DDX4: variants seen among roughly 807,000 people sequenced by gnomAD.
The protein encoded by DDX4 is DEAD-box helicase 4, also known as probable ATP-dependent RNA helicase DDX4.
A neutral mutation model predicts 100.0 loss-of-function variants in DDX4; 25 were observed. The ratio of observed to expected loss-of-function variants is 0.25; its 90% CI spans 0.18 to 0.35. The LOEUF (loss-of-function observed/expected upper bound fraction) is 0.35. DDX4 is among the 10% of genes least tolerant of loss of function. DDX4 has a pLI of 1.00. For synonymous variants in DDX4, 259 were observed against 275.7 expected (o/e 0.94, Z 0.60); for missense variants, 635 against 882.4 (o/e 0.72, Z 3.55).
rs759393265 is a variant in DDX4, at chr5:55,746,234, G to A, written c.127+13G>A. Reference sequence around the variant, plus strand: ...GCTTCATCATCAGGTATGTGTTATGGGAAAAAGGTAAAACCCTTTTTAGTT... The same window carrying A: ...GCTTCATCATCAGGTATGTGTTATGAGAAAAAGGTAAAACCCTTTTTAGTT... On this transcript the variant is annotated intron_variant, in intron 3 of 21. Transcript: ENST00000505374. The A allele has an allele frequency of 1.2e-6, 2 of 1,603,968 alleles. No homozygotes were observed. Among genetic ancestry groups the A allele is most frequent in the Non-Finnish European group, 8.5e-7 (1 of 1,176,370 alleles).
chr5:55,771,233 G>A (rs987683163), intron 7 of DDX4, among the ~76,000 whole-genome samples: 2 of 152,110 alleles, frequency 1.3e-5, no homozygotes, highest in Admixed American at 6.6e-5. Flanking sequence ...GTGTTCACCA[G>A]CATTCAGGTC....
chr5:55,763,852 A>G (rs1740721988), intron 5 of DDX4, among the ~76,000 whole-genome samples, 162 bp from the exon 6 acceptor site: 1 of 152,146 alleles, frequency 6.6e-6, no homozygotes, highest in South Asian at 2.1e-4. Context: ...AAACTGACAC[A>G]AAGCAGAAAT....
At chr5:55,815,240 A>G in intron 20 of DDX4, 69 bp downstream of exon 20, 5 of 1,598,186 alleles carry the variant, frequency 3.1e-6, no homozygotes, top group Non-Finnish European at 4.3e-6. Context: ...CATTTTATGC[A>G]TGTGTATATA....
Position 55,815,163 on chromosome 5 carries a change from T to A in DDX4, c.1978T>A (p.Leu660Met), listed in dbSNP as rs1299012434. ...TTTAGCACAGCCTCTAGTAAAAGTA[T>A]TGACAGATGTAAGTTAAACTTTTAT... ...NHLAQPLVKVLTDAQQDVPAW... is the reference protein window; with the variant it reads ...NHLAQPLVKVMTDAQQDVPAW... Residue 660 changes from leucine to methionine, a missense_variant, in exon 20 of 22, where the codon TTG (leucine) becomes ATG (methionine). Leu to Met is a conservative substitution (Grantham distance 15, BLOSUM62 2). Transcript: ENST00000505374. The A allele has an allele frequency of 6.2e-7, 1 of 1,613,684 alleles. No individual in the cohort carries two copies. The highest frequency in any genetic ancestry group is 2.2e-5 in the East Asian group (1 of 44,882).
chr5:55,808,961 C>T (rs1230216567), intron 18 of DDX4, among the ~76,000 whole-genome samples: 2 of 152,222 alleles, frequency 1.3e-5, no homozygotes, highest in Non-Finnish European at 2.9e-5. Context: ...CGGTGGGCTC[C>T]ACCCAGTTCG....
intron 15 of DDX4, among the ~76,000 whole-genome samples, chr5:55,790,123 C>A (rs1363373335): frequency 6.4e-5 from 9 of 140,626 alleles, no homozygotes; most frequent in African/African-American, 2.1e-4. Flanking sequence ...AAAAAAAAAT[C>A]AAGTAAAATA....
intron 15 of DDX4, among the ~76,000 whole-genome samples, chr5:55,788,792 A>G (rs934643056): frequency 2.6e-5 from 4 of 152,110 alleles, no homozygotes; most frequent in Non-Finnish European, 4.4e-5. Context: ...TTGGCCAGAT[A>G]TGATGTCTTA....
At chr5:55,771,587 CAGAA>C (rs1185489906) in intron 7 of DDX4, among the ~76,000 whole-genome samples, 9 of 152,278 alleles carry the variant, frequency 5.9e-5, no homozygotes. Context: ...AGTACATACT[CAGAA>C]GAAGAATTGC....
At chr5:55,741,712 T>C (rs1419273690) in intron 2 of DDX4, among the ~76,000 whole-genome samples, 1 of 151,728 alleles carries the variant, frequency 6.6e-6, no homozygotes, top group Non-Finnish European at 1.5e-5. Context: ...TCTCTTGAAA[T>C]TGGGAGGTGG....
At chr5:55,806,771 C>T (rs182747617) in intron 18 of DDX4, among the ~76,000 whole-genome samples, 39 of 152,142 alleles carry the variant, frequency 2.6e-4, no homozygotes, top group Admixed American at 7.2e-4. Context: ...GGAATAAGTG[C>T]GGTGTGGTGC....
At chr5:55,778,953 A>T (rs1269916786) in intron 7 of DDX4, among the ~76,000 whole-genome samples, 1 of 152,202 alleles carries the variant, frequency 6.6e-6, no homozygotes, top group African/African-American at 2.4e-5. Context: ...CTCTAACATA[A>T]CACTAATATG....
At chr5:55,766,930 A>G (rs1462420630) in intron 6 of DDX4, 5 of 1,512,988 alleles carry the variant, frequency 3.3e-6, no homozygotes, top group Non-Finnish European at 4.4e-6. Flanking sequence ...ATTTCTGGGA[A>G]TGGGGTCTAG....
At chr5:55,809,028 C>T (rs1237388444) in intron 18 of DDX4, among the ~76,000 whole-genome samples, 1 of 152,234 alleles carries the variant, frequency 6.6e-6, no homozygotes, top group East Asian at 1.9e-4. Flanking sequence ...GGTGCCCCTC[C>T]CCTAGCTTCG....
At chr5:55,812,026 C>T (rs1744147053) in intron 18 of DDX4, among the ~76,000 whole-genome samples, 1 of 152,066 alleles carries the variant, frequency 6.6e-6, no homozygotes, top group African/African-American at 2.4e-5. Flanking sequence ...GTATTAGTCT[C>T]ATTTACCAAA....
Position 55,757,236 on chromosome 5 carries a change from A to G in DDX4, c.128-2964A>G, listed in dbSNP as rs1276339218. 3.3e-5 allele frequency among the ~76,000 whole-genome samples: 5 copies of G among 152,196 alleles called. No individual in the cohort carries two copies. In the East Asian group the frequency reaches 9.6e-4, roughly 29 times the overall value. ...ACCTGAGCAGTATGCACTGTACCCAATTTGTAGTCTTTTATCCCTCACCCC... is the reference window on the plus strand; with the variant it reads ...ACCTGAGCAGTATGCACTGTACCCAGTTTGTAGTCTTTTATCCCTCACCCC... On this transcript the variant is annotated intron_variant, in intron 3 of 21. Transcript: ENST00000505374.
intron 2 of DDX4, chr5:55,742,052 G>C (rs919827445): frequency 2.4e-6 from 1 of 424,432 alleles, no homozygotes; most frequent in African/African-American, 2.0e-5. Flanking sequence ...CATTGTTCTA[G>C]TATAACAGAT....
At chr5:55,810,045 A>AC (rs1491558824) in intron 18 of DDX4, among the ~76,000 whole-genome samples, 9 of 151,996 alleles carry the variant, frequency 5.9e-5, no homozygotes, top group Non-Finnish European at 1.0e-4. Context: ...ACACACACAC[A>AC]AAAAATAGAG....
chr5:55,800,273 A>G (rs557543273), intron 18 of DDX4, among the ~76,000 whole-genome samples: 1 of 151,960 alleles, frequency 6.6e-6, no homozygotes, highest in Non-Finnish European at 1.5e-5. Context: ...AGAGATGAGC[A>G]CTATATGGTT....
At chr5:55,785,265 G>C in intron 10 of DDX4, 32 bp from the exon 11 acceptor site, 1 of 1,487,288 alleles carries the variant, frequency 6.7e-7, no homozygotes, top group Non-Finnish European at 9.4e-7. Context: ...CTTACATCTT[G>C]ACCGATTGTC....
Sources: allele counts gnomAD v4.1 joint callset (sites outside exome capture counted in the v4.1 genomes callset), GRCh38; gene constraint gnomAD v4.1.1; transcripts MANE v1.5; gene names NCBI Gene and HGNC (gene_info 2026-07-23, HGNC 2026-07-21).